Variants in PTK2 observed in about 807,000 individuals in gnomAD.
PTK2 encodes focal adhesion kinase 1.
Under a neutral mutation model 150.1 loss-of-function variants are expected in PTK2, and 45 were observed. The observed-to-expected ratio is 0.30, with a 90% CI of 0.24 to 0.38. The LOEUF is 0.38. Ranked by LOEUF, PTK2 falls within the 10% of genes least tolerant of loss-of-function variation. PTK2 has a pLI of 1.00. For missense variants in PTK2, 919 were observed against 1,307.3 expected (o/e 0.70, Z 4.58); for synonymous variants, 432 against 449.2 (o/e 0.96, Z 0.48).
At chr8:140,942,008 G>A (rs1039567928) in intron 1 of PTK2, among the ~76,000 whole-genome samples, 29 of 152,072 alleles carry the variant, frequency 1.9e-4, no homozygotes, top group Admixed American at 1.9e-3. Flanking sequence ...TCCCGCCTCA[G>A]CCTCCCGAGT....
At chr8:140,811,531 C>A (rs2100101564) in intron 10 of PTK2, among the ~76,000 whole-genome samples, 1 of 152,162 alleles carries the variant, frequency 6.6e-6, no homozygotes, top group African/African-American at 2.4e-5. Flanking sequence ...AATGACCGCA[C>A]CACCTCTCCA....
intron 26 of PTK2, among the ~76,000 whole-genome samples, chr8:140,691,689 AC>A (rs1208726652): frequency 6.6e-6 from 1 of 152,212 alleles, no homozygotes; most frequent in African/African-American, 2.4e-5. Flanking sequence ...GCCTCTTTGG[AC>A]AAGGCATATA....
chr8:140,674,270 A>G, intron 29 of PTK2, 28 bp downstream of exon 32: 1 of 1,564,216 alleles, frequency 6.4e-7, no homozygotes, highest in Non-Finnish European at 8.7e-7. Flanking sequence ...CTGCAAGCAG[A>G]AGGTGCTGCA....
chr8:140,920,871 C>T (rs1251416081), intron 2 of PTK2: 1 of 1,529,070 alleles, frequency 6.5e-7, no homozygotes, highest in Non-Finnish European at 8.7e-7. Context: ...TAGATGGCAC[C>T]TGCTGGTTTC....
chr8:140,830,321 T>C lies in PTK2; in HGVS notation c.648+151A>G, dbSNP rs1488995882. ...ATACTAAAAACCTATTTGCCATTAA[T>C]GTGACTAGAATAAATGTCAGCTTTT... On this transcript the variant is annotated intron_variant, in intron 8 of 31. Coordinates refer to ENST00000522684, the Ensembl canonical transcript of PTK2. The C allele has an allele frequency of 7.0e-5, 40 of 572,786 alleles. No homozygotes were observed. In the East Asian group the frequency reaches 1.3e-3, roughly 19 times the overall value. The allele number at this position is 572,786 out of a possible 1,614,324, so 35.5% of individuals were successfully genotyped here. A position where few individuals can be genotyped will look rare whatever the true frequency, so the allele number is the denominator to read the frequency against.
chr8:140,777,796 A>C lies in PTK2; in HGVS notation c.1177+11678T>G, dbSNP rs1403773091. On this transcript the variant is annotated intron_variant, in intron 14 of 31. Transcript: ENST00000522684. Reference sequence around the variant, plus strand: ...ACCATATGACATCAGAGAGCTGAAAACTCTTCCCTCAGATCAGGGTAATGC... The same window carrying C: ...ACCATATGACATCAGAGAGCTGAAACCTCTTCCCTCAGATCAGGGTAATGC... Among the ~76,000 whole-genome samples the C allele has an allele frequency of 2.0e-5, 3 of 150,990 alleles. No individual in the cohort carries two copies. The South Asian group carries it at 6.3e-4, about 32-fold the overall frequency.
At chr8:140,887,203 G>T (rs896098904) in intron 3 of PTK2, among the ~76,000 whole-genome samples, 1 of 152,170 alleles carries the variant, frequency 6.6e-6, no homozygotes, top group Admixed American at 6.5e-5. Context: ...GGCTGGCTAC[G>T]TAGATGGAGA....
chr8:140,804,031 C>T (rs2100096828), intron 10 of PTK2, among the ~76,000 whole-genome samples: 1 of 152,244 alleles, frequency 6.6e-6, no homozygotes, highest in East Asian at 1.9e-4. Flanking sequence ...CATTCTACTC[C>T]CATTCCCAAA....
chr8:140,966,358 T>C (rs992826067), intron 1 of PTK2, among the ~76,000 whole-genome samples: 7 of 152,242 alleles, frequency 4.6e-5, no homozygotes, highest in African/African-American at 1.7e-4. Flanking sequence ...TGTTTTATTC[T>C]ATGTAGTTAA....
intron 2 of PTK2, among the ~76,000 whole-genome samples, chr8:140,911,508 C>A (rs1327508430): frequency 6.6e-6 from 1 of 151,988 alleles, no homozygotes; most frequent in African/African-American, 2.4e-5. Flanking sequence ...AAGTGGGAGA[C>A]ACATTGATAG....
chr8:140,819,268 G>T (rs2100106715), intron 8 of PTK2, among the ~76,000 whole-genome samples: 1 of 152,086 alleles, frequency 6.6e-6, no homozygotes, highest in African/African-American at 2.4e-5. Context: ...CATATATAGA[G>T]TTTTATTTCT....
chr8:140,718,509 G>A (rs889351399), intron 22 of PTK2: 4 of 152,114 alleles, frequency 2.6e-5, no homozygotes, highest in South Asian at 2.1e-4. Flanking sequence ...TGAAACCCTC[G>A]TCCTAACTGT....
At chr8:140,964,931 T>C (rs1296310718) in intron 1 of PTK2, among the ~76,000 whole-genome samples, 1 of 152,132 alleles carries the variant, frequency 6.6e-6, no homozygotes, top group African/African-American at 2.4e-5. Context: ...ATATCCTCTT[T>C]CTCTCCAAAA....
rs185694474 is a variant in PTK2, at chr8:140,858,953, G to A, written c.450+5359C>T. Among the ~76,000 whole-genome samples, 69 of 152,238 alleles carry A rather than the reference G, an allele frequency of 4.5e-4. 1 individual carries two copies. Among genetic ancestry groups the A allele is most frequent in the Admixed American group, 3.9e-3 (59 of 15,292 alleles). ...AAAAGAGATAAATTATTAAATCCAC[G>A]GATGATCACTTTTCCATTTATACCA... On this transcript the variant is annotated intron_variant, in intron 5 of 31. Coordinates refer to ENST00000522684, the Ensembl canonical transcript of PTK2.
intron 12 of PTK2, among the ~76,000 whole-genome samples, chr8:140,797,694 T>G (rs2100092563): frequency 6.6e-6 from 1 of 152,202 alleles, no homozygotes; most frequent in South Asian, 2.1e-4. Flanking sequence ...TCAGGTAAGG[T>G]GTAGGTTAGA....
At chr8:140,859,344 T>C (rs1567683081) in intron 5 of PTK2, among the ~76,000 whole-genome samples, 1 of 152,158 alleles carries the variant, frequency 6.6e-6, no homozygotes, top group Non-Finnish European at 1.5e-5. Flanking sequence ...GGATGTTCTT[T>C]TCATCTGAGC....
At chr8:140,728,179 G>A (rs2100047073) in intron 22 of PTK2, among the ~76,000 whole-genome samples, 1 of 148,374 alleles carries the variant, frequency 6.7e-6, no homozygotes. Flanking sequence ...CAGCCTAGAT[G>A]ACAGTGTGAG....
At chr8:140,921,411 T>C (rs577109843) in intron 2 of PTK2, among the ~76,000 whole-genome samples, 69 of 152,226 alleles carry the variant, frequency 4.5e-4, no homozygotes, top group Non-Finnish European at 7.9e-4. Context: ...ATCATGTCTG[T>C]AGATGGCTTC....
At chr8:140,952,607 GA>G (rs1239224214) in intron 1 of PTK2, among the ~76,000 whole-genome samples, 1 of 152,140 alleles carries the variant, frequency 6.6e-6, no homozygotes, top group Non-Finnish European at 1.5e-5. Context: ...AAACACTTGC[GA>G]AAGTCAAATT....
Sources: gnomAD v4.1 joint callset for allele counts (sites outside exome capture counted in the v4.1 genomes callset) on GRCh38, gnomAD v4.1.1 for gene constraint, MANE v1.5 for transcripts, NCBI Gene and HGNC (gene_info 2026-07-23, HGNC 2026-07-21) for gene names.